CNTNAP2: variants seen among roughly 807,000 people sequenced by gnomAD.
CNTNAP2 encodes contactin associated protein 2.
Under a neutral mutation model 155.2 loss-of-function variants are expected in CNTNAP2, and 98 were observed. The observed-to-expected ratio is 0.63, with a 90% confidence interval of 0.54 to 0.75. The LOEUF is 0.75. Among genes scored for constraint, CNTNAP2 ranks in the 30% least tolerant of loss-of-function variants. CNTNAP2 has a pLI of 0.00. For missense variants in CNTNAP2, 1,727 were observed against 1,688.1 expected (o/e 1.02, Z -0.40); for synonymous variants, 651 against 631.2 (o/e 1.03, Z -0.47).
intron 14 of CNTNAP2, among the ~76,000 whole-genome samples, chr7:147,971,267 CT>C (rs113277527): frequency 3.9e-5 from 6 of 152,064 alleles, no homozygotes; most frequent in Non-Finnish European, 5.9e-5. Flanking sequence ...ATCTACAGTT[CT>C]TTTTTTTAAT....
At chr7:146,150,604 TA>T (rs959505020) in intron 1 of CNTNAP2, among the ~76,000 whole-genome samples, 2 of 152,028 alleles carry the variant, frequency 1.3e-5, no homozygotes, top group African/African-American at 2.4e-5. Context: ...ATCACCTACA[TA>T]GGGGCAATTT....
rs148902147 is a variant in CNTNAP2, at chr7:147,663,359, G to A, written c.2098+24053G>A. On this transcript the variant is annotated intron_variant, in intron 13 of 23. Coordinates refer to ENST00000361727, the MANE Select transcript of CNTNAP2 (RefSeq NM_014141.6). ...TATGTAACCCTGTCCTTGCAAAGTT[G>A]TTAGAAAAAGATAAATGAACTCCCA... 1.4e-3 allele frequency among the ~76,000 whole-genome samples: 214 copies of A among 152,316 alleles called. 1 individual carries two copies. The highest frequency in any genetic ancestry group is 4.8e-3 in the African/African-American group (198 of 41,572).
chr7:146,475,291 G>A (rs1198331664), intron 1 of CNTNAP2, among the ~76,000 whole-genome samples: 1 of 152,168 alleles, frequency 6.6e-6, no homozygotes, highest in African/African-American at 2.4e-5. Flanking sequence ...TCATGGAAGA[G>A]ATGGGGCTAG....
chr7:146,545,819 C>A (rs184597250), intron 1 of CNTNAP2, among the ~76,000 whole-genome samples: 2 of 151,976 alleles, frequency 1.3e-5, no homozygotes, highest in African/African-American at 4.8e-5. Context: ...CCCAGCAATC[C>A]CATTACTGGG....
chr7:146,178,037 A>G (rs937959785), intron 1 of CNTNAP2, among the ~76,000 whole-genome samples: 2 of 151,424 alleles, frequency 1.3e-5, no homozygotes, highest in Non-Finnish European at 1.5e-5. Context: ...TTTTATTTTT[A>G]TTTTTTTATT....
At chr7:146,957,600 G>A (rs916987418) in intron 3 of CNTNAP2, among the ~76,000 whole-genome samples, 1 of 152,190 alleles carries the variant, frequency 6.6e-6, no homozygotes, top group African/African-American at 2.4e-5. Context: ...TGCTTAGGTA[G>A]CCAGGGAAAA....
At chr7:146,927,940 G>T (rs895319959) in intron 3 of CNTNAP2, among the ~76,000 whole-genome samples, 1 of 146,588 alleles carries the variant, frequency 6.8e-6, no homozygotes, top group African/African-American at 2.5e-5. Flanking sequence ...TATATATAGA[G>T]AAAGTTATAT....
chr7:148,119,261 C>T (rs150712957), intron 16 of CNTNAP2, among the ~76,000 whole-genome samples: 41 of 152,106 alleles, frequency 2.7e-4, no homozygotes, highest in Admixed American at 1.4e-3. Flanking sequence ...CGGTGGCTCA[C>T]GCCTGTAATC....
chr7:148,002,267 C>T (rs1024705442), intron 15 of CNTNAP2, among the ~76,000 whole-genome samples: 13 of 151,968 alleles, frequency 8.6e-5, no homozygotes, highest in Admixed American at 2.6e-4. Flanking sequence ...GATAAGCATA[C>T]GCTTTTTCAA....
chr7:147,405,280 A>AGAGCAATT (rs1261444818), intron 10 of CNTNAP2, among the ~76,000 whole-genome samples: 4 of 152,222 alleles, frequency 2.6e-5, no homozygotes, highest in Admixed American at 2.0e-4. Context: ...AATAAAAATA[A>AGAGCAATT]GAGCAATTGA....
In CNTNAP2 at chr7:146,484,847, C is replaced by T. The variant is rs529279907; in HGVS notation, c.98-289424C>T. ...TGGAGCATTACGTCTTTCCTCCAAC[C>T]CTTACATATTCTTATTTTTAAGGTA... is the stretch of plus-strand genomic sequence containing the variant. On this transcript the variant is annotated intron_variant, in intron 1 of 23. Transcript: ENST00000361727. Among the ~76,000 whole-genome samples the T allele has an allele frequency of 5.3e-5, 8 of 152,106 alleles. No homozygotes were observed. In the East Asian group the frequency reaches 1.4e-3, roughly 26 times the overall value.
intron 3 of CNTNAP2, among the ~76,000 whole-genome samples, chr7:146,967,869 G>A (rs925245850): frequency 2.0e-5 from 3 of 151,886 alleles, no homozygotes; most frequent in African/African-American, 7.3e-5. Context: ...GGTGAGAGAG[G>A]GCATCCCTGT....
At chr7:147,861,674 C>T (rs935411050) in intron 13 of CNTNAP2, among the ~76,000 whole-genome samples, 3 of 152,074 alleles carry the variant, frequency 2.0e-5, no homozygotes, top group Non-Finnish European at 4.4e-5. Context: ...GCTGGGACAC[C>T]TAGCCTAATC....
At chr7:147,121,189 A>G in intron 6 of CNTNAP2, 26 bp downstream of exon 6, 7 of 1,609,766 alleles carry the variant, frequency 4.3e-6, no homozygotes, top group Non-Finnish European at 6.0e-6. Flanking sequence ...TAGAAATTGT[A>G]ATAAAATGTC....
At chr7:146,308,172 T>G (rs1800750584) in intron 1 of CNTNAP2, among the ~76,000 whole-genome samples, 1 of 152,138 alleles carries the variant, frequency 6.6e-6, no homozygotes, top group Non-Finnish European at 1.5e-5. Flanking sequence ...GCAAAGGATA[T>G]GAACAGACAC....
At chr7:146,685,121 G>A (rs940523739) in intron 1 of CNTNAP2, among the ~76,000 whole-genome samples, 65 of 152,198 alleles carry the variant, frequency 4.3e-4, no homozygotes, top group African/African-American at 1.5e-3. Context: ...AGAAATTAAG[G>A]TATAGGGATT....
rs57395379 is a variant in CNTNAP2, at chr7:147,635,184, C to CTATATA, written c.1898-3910_1898-3905dup. Reference sequence around the variant, plus strand: ...TCTCCCAGCCATTATCACTGGCAAACTATATATATATATATATGTTTAATT... The same window carrying CTATATA: ...TCTCCCAGCCATTATCACTGGCAAACTATATATATATATATATATATATGTTTAATT... On this transcript the variant is annotated intron_variant, in intron 12 of 23. Transcript: ENST00000361727. 1.7e-4 allele frequency among the ~76,000 whole-genome samples: 23 copies of CTATATA among 137,160 alleles called. 1 individual carries two copies. The South Asian group carries it at 2.3e-3, about 14-fold the overall frequency. 90.0% of individuals were successfully genotyped at this position (137,160 alleles called of 152,430 possible).
chr7:148,348,635 G>GAT (rs1798366119), intron 21 of CNTNAP2, among the ~76,000 whole-genome samples: 3 of 152,162 alleles, frequency 2.0e-5, no homozygotes, highest in African/African-American at 7.2e-5. Flanking sequence ...AGGCCAAAGC[G>GAT]GCTCAGGCAC....
chr7:146,759,711 A>AAAAAAAAAGG (rs1309834469), intron 1 of CNTNAP2, among the ~76,000 whole-genome samples: 1 of 60,732 alleles, frequency 1.6e-5, no homozygotes, highest in African/African-American at 6.0e-5. Context: ...AAAAAAAAAA[A>AAAAAAAAAGG]GGTGGGTGGG....
Sources: allele counts gnomAD v4.1 joint callset (sites outside exome capture counted in the v4.1 genomes callset), GRCh38; gene constraint gnomAD v4.1.1; transcripts MANE v1.5; gene names NCBI Gene and HGNC (gene_info 2026-07-23, HGNC 2026-07-21).